ARK2C: variants seen among roughly 807,000 people sequenced by gnomAD.
ARK2C encodes the protein arkadia (RNF111) C-terminal like ring finger ubiquitin ligase 2C.
At chr18:46,361,709 A>G in the ARK2C span, among the ~76,000 whole-genome samples, 1 of 152,158 alleles carries the variant, frequency 6.6e-6, no homozygotes, top group Non-Finnish European at 1.5e-5. Flanking sequence ...GGTGCAGGGC[A>G]CTGGCCTGGG....
chr18:46,399,889 C>T, the ARK2C span, among the ~76,000 whole-genome samples: 2 of 152,228 alleles, frequency 1.3e-5, no homozygotes, highest in Non-Finnish European at 2.9e-5. Context: ...CCCCTCACAA[C>T]CCACATGGCA....
chr18:46,336,374 C>G, the ARK2C span: 29 of 963,056 alleles, frequency 3.0e-5, no homozygotes, highest in Non-Finnish European at 3.5e-5. Context: ...TTCTCCCTCA[C>G]CCCCCCCAAC....
the ARK2C span, among the ~76,000 whole-genome samples, chr18:46,449,261 G>T: frequency 1.3e-5 from 2 of 152,202 alleles, no homozygotes; most frequent in African/African-American, 2.4e-5. Flanking sequence ...GTGAGGGAAA[G>T]GCGAGTGAGG....
chr18:46,351,936 G>A, the ARK2C span, among the ~76,000 whole-genome samples: 2 of 152,186 alleles, frequency 1.3e-5, no homozygotes, highest in South Asian at 2.1e-4. Flanking sequence ...CTCCTGCACC[G>A]TGCATCTACG....
At chr18:46,416,694 C>T in the ARK2C span, among the ~76,000 whole-genome samples, 1 of 152,226 alleles carries the variant, frequency 6.6e-6, no homozygotes, top group Admixed American at 6.5e-5. Flanking sequence ...TGGGCTCACT[C>T]ACATTGCTGC....
At chr18:46,383,191 G>A in the ARK2C span, among the ~76,000 whole-genome samples, 1 of 152,220 alleles carries the variant, frequency 6.6e-6, no homozygotes, top group Non-Finnish European at 1.5e-5. Flanking sequence ...ATGCCGTCAG[G>A]CCCCTCCCAC....
At chr18:46,389,584 C>T in the ARK2C span, among the ~76,000 whole-genome samples, 3 of 152,184 alleles carry the variant, frequency 2.0e-5, no homozygotes, top group African/African-American at 4.8e-5. Flanking sequence ...TGGATTATTA[C>T]GCTTTCCCCA....
the ARK2C span, among the ~76,000 whole-genome samples, chr18:46,418,334 G>A: frequency 2.0e-5 from 3 of 152,190 alleles, no homozygotes; most frequent in Non-Finnish European, 4.4e-5. Flanking sequence ...TCCAGCCTGA[G>A]TGACAGGGCA....
chr18:46,335,045 C>CGTGT, the ARK2C span: 488 of 145,882 alleles, frequency 3.3e-3, 2 homozygotes, highest in South Asian at 5.1e-3. Flanking sequence ...TGCTTGGGCG[C>CGTGT]GTGTGTGTGT....
the ARK2C span, among the ~76,000 whole-genome samples, chr18:46,449,194 A>G: frequency 1.3e-5 from 2 of 152,206 alleles, no homozygotes; most frequent in African/African-American, 4.8e-5. Context: ...GCCCTGGGAC[A>G]TACAGTGAGC....
chr18:46,361,918 C>G, the ARK2C span, among the ~76,000 whole-genome samples: 1 of 152,270 alleles, frequency 6.6e-6, no homozygotes, highest in African/African-American at 2.4e-5. Context: ...CTATTATCTA[C>G]TTCATGCCCC....
chr18:46,433,524 G>A, the ARK2C span: 365 of 1,576,144 alleles, frequency 2.3e-4, 2 homozygotes, highest in South Asian at 4.4e-4. Context: ...TGCCTGGGGC[G>A]GAGGTGGGGA....
At chr18:46,433,984 CCACCCTCAAGAATTCT>C in the ARK2C span, among the ~76,000 whole-genome samples, 1 of 152,218 alleles carries the variant, frequency 6.6e-6, no homozygotes, top group Non-Finnish European at 1.5e-5. Flanking sequence ...CGGCTGGTTC[CCACCCTCAAGAATTCT>C]CACCCTCAAG....
the ARK2C span, chr18:46,336,958 G>A: frequency 1.0e-6 from 1 of 985,364 alleles, no homozygotes; most frequent in South Asian, 4.7e-5. Flanking sequence ...AAGGTCCCTG[G>A]CTTAAGTGGG....
chr18:46,406,073 T>C, the ARK2C span, among the ~76,000 whole-genome samples: 2 of 152,018 alleles, frequency 1.3e-5, no homozygotes, highest in Middle Eastern at 3.4e-3. Flanking sequence ...ACATACACAC[T>C]CACACACTGA....
chr18:46,386,498 C>G, the ARK2C span: 8 of 152,062 alleles, frequency 5.3e-5, no homozygotes, highest in African/African-American at 1.7e-4. Context: ...GGGGCCAGAA[C>G]TAGAATCCAG....
At chr18:46,438,177 G>A in the ARK2C span, among the ~76,000 whole-genome samples, 1 of 152,264 alleles carries the variant, frequency 6.6e-6, no homozygotes, top group Non-Finnish European at 1.5e-5. Context: ...GGTTAACCCT[G>A]TGGCTTTAGG....
the ARK2C span, among the ~76,000 whole-genome samples, chr18:46,410,529 C>A: frequency 7.9e-5 from 12 of 152,346 alleles, no homozygotes; most frequent in African/African-American, 2.6e-4. Flanking sequence ...TCACCCTTAA[C>A]AAGCTGAACA....
chr18:46,449,785 G>A, the ARK2C span, among the ~76,000 whole-genome samples: 1 of 152,122 alleles, frequency 6.6e-6, no homozygotes, highest in Non-Finnish European at 1.5e-5. Flanking sequence ...GTGGAACTGT[G>A]AGTCAATTAA....
Sources: gnomAD v4.1 joint callset for allele counts (sites outside exome capture counted in the v4.1 genomes callset) on GRCh38, gnomAD v4.1.1 for gene constraint, MANE v1.5 for transcripts, NCBI Gene and HGNC (gene_info 2026-07-23, HGNC 2026-07-21) for gene names.